Variants in FOXO1 observed in about 807,000 individuals in gnomAD.
FOXO1 encodes forkhead box protein O1.
FOXO1 carries 6 observed loss-of-function variants against 44.1 expected under a neutral mutation model. That is an observed-to-expected ratio of 0.14 (90% CI 0.07 to 0.27). FOXO1 has a LOEUF of 0.27. FOXO1 is among the 10% of genes least tolerant of loss of function. FOXO1 has a pLI of 1.00. For synonymous variants in FOXO1, 380 were observed against 362.7 expected, an observed-to-expected ratio of 1.05 and a Z score of -0.54; for missense variants, 737 against 888.8, an observed-to-expected ratio of 0.83 and a Z score of 2.17.
chr13:40,618,326 C>T (rs2137898838), intron 1 of FOXO1, among the ~76,000 whole-genome samples: 1 of 152,334 alleles, frequency 6.6e-6, no homozygotes, highest in Middle Eastern at 3.4e-3. Flanking sequence ...TCTCACCCTA[C>T]ACTCCCCTCC....
At chr13:40,631,699 G>C (rs1258899244) in intron 1 of FOXO1, among the ~76,000 whole-genome samples, 2 of 152,168 alleles carry the variant, frequency 1.3e-5, no homozygotes, top group Non-Finnish European at 2.9e-5. Context: ...TCCTATAAAG[G>C]ACCTAAAGTA....
chr13:40,590,624 C>T (rs901414117), intron 1 of FOXO1, among the ~76,000 whole-genome samples: 2 of 152,180 alleles, frequency 1.3e-5, no homozygotes, highest in African/African-American at 2.4e-5. Flanking sequence ...ATGGGTTATC[C>T]CAGCAGTCTC....
chr13:40,599,067 A>G (rs1875712079), intron 1 of FOXO1, among the ~76,000 whole-genome samples: 1 of 152,128 alleles, frequency 6.6e-6, no homozygotes, highest in Non-Finnish European at 1.5e-5. Flanking sequence ...TTCCATTAAG[A>G]GCTTTCTACA....
chr13:40,613,490 T>C (rs1466121270), intron 1 of FOXO1, among the ~76,000 whole-genome samples: 28 of 152,152 alleles, frequency 1.8e-4, no homozygotes, highest in Admixed American at 1.6e-3. Flanking sequence ...AGTCTGGAAC[T>C]TCAAAGTTGC....
At chr13:40,615,916 G>A (rs1310873536) in intron 1 of FOXO1, among the ~76,000 whole-genome samples, 1 of 152,194 alleles carries the variant, frequency 6.6e-6, no homozygotes, top group Non-Finnish European at 1.5e-5. Context: ...AGGCAGCCAG[G>A]GCAAGTTTGG....
At chr13:40,607,572 T>C (rs1007848758) in intron 1 of FOXO1, among the ~76,000 whole-genome samples, 1 of 152,178 alleles carries the variant, frequency 6.6e-6, no homozygotes, top group Non-Finnish European at 1.5e-5. Context: ...TTAAAGCCTA[T>C]AGGGGAGATT....
intron 1 of FOXO1, among the ~76,000 whole-genome samples, chr13:40,642,306 C>T (rs1335860669): frequency 6.6e-6 from 1 of 152,148 alleles, no homozygotes; most frequent in Admixed American, 6.5e-5. Context: ...AAACCCCAAT[C>T]TAGACATACA....
At position 40,558,928 on chromosome 13, in the gene FOXO1, T is replaced by TG; in HGVS notation, c.*120_*121insC. ...GAAAAAAGGAGGGTTTTTTTTTTTG[T>TG]TTTTTTTTTTAACCAAGAAAACTAA... On this transcript the variant is annotated 3_prime_UTR_variant, in exon 3 of 3. Transcript: ENST00000379561. 3.9e-6 allele frequency: 1 copy of TG among 257,166 alleles called. No homozygotes were observed. Among genetic ancestry groups the TG allele is most frequent in the East Asian group, 4.6e-5 (1 of 21,802 alleles). 15.9% of individuals were successfully genotyped at this position (257,166 alleles called of 1,614,324 possible).
chr13:40,584,824 A>T (rs1229284974), intron 1 of FOXO1, among the ~76,000 whole-genome samples: 1 of 152,196 alleles, frequency 6.6e-6, no homozygotes, highest in Non-Finnish European at 1.5e-5. Context: ...TCTTCTAGGA[A>T]GCTTCGGATG....
At chr13:40,579,611 GA>G (rs201176045) in intron 1 of FOXO1, among the ~76,000 whole-genome samples, 8 of 147,156 alleles carry the variant, frequency 5.4e-5, no homozygotes, top group East Asian at 2.0e-4. Context: ...GCAGCAGAAT[GA>G]AAAAAAAAGG....
At chr13:40,622,848 T>C (rs73467035) in intron 1 of FOXO1, among the ~76,000 whole-genome samples, 106 of 152,304 alleles carry the variant, frequency 7.0e-4, no homozygotes, top group African/African-American at 2.5e-3. Context: ...AGGATCACTA[T>C]AAGTAAGCGT....
At chr13:40,619,034 C>A in intron 1 of FOXO1, 1 of 487,620 alleles carries the variant, frequency 2.1e-6, no homozygotes, top group South Asian at 1.5e-5. Context: ...TGCCTGTAAT[C>A]CCAGCACTTT....
intron 1 of FOXO1, among the ~76,000 whole-genome samples, chr13:40,652,205 G>A (rs1303091464): frequency 6.6e-6 from 1 of 152,024 alleles, no homozygotes; most frequent in Non-Finnish European, 1.5e-5. Context: ...TAATTCAAGA[G>A]AGCCCACTTT....
intron 1 of FOXO1, among the ~76,000 whole-genome samples, chr13:40,601,394 TTAACCAGTG>T (rs1875809866): frequency 1.3e-5 from 2 of 152,212 alleles, no homozygotes; most frequent in Non-Finnish European, 2.9e-5. Context: ...TATACATACA[TTAACCAGTG>T]GCTTCAAAAA....
At chr13:40,636,755 A>G (rs1566081647) in intron 1 of FOXO1, among the ~76,000 whole-genome samples, 1 of 152,090 alleles carries the variant, frequency 6.6e-6, no homozygotes, top group African/African-American at 2.4e-5. Flanking sequence ...TTGGACTCCC[A>G]AAGTGCTGGG....
intron 1 of FOXO1, among the ~76,000 whole-genome samples, chr13:40,632,885 C>T (rs1383235259): frequency 7.4e-6 from 1 of 135,872 alleles, no homozygotes; most frequent in Non-Finnish European, 1.5e-5. Context: ...GAAGTTGTGC[C>T]ATTGCAAAAG....
At chr13:40,570,542 A>G (rs559249416) in intron 1 of FOXO1, among the ~76,000 whole-genome samples, 1 of 152,338 alleles carries the variant, frequency 6.6e-6, no homozygotes, top group Non-Finnish European at 1.5e-5. Context: ...AAAGGTCTAA[A>G]TATTTCAGAG....
At chr13:40,650,025 A>G (rs1877626294) in intron 1 of FOXO1, among the ~76,000 whole-genome samples, 1 of 152,206 alleles carries the variant, frequency 6.6e-6, no homozygotes, top group African/African-American at 2.4e-5. Context: ...AGGAAAGTAA[A>G]GTAATAAAAG....
At position 40,596,973 on chromosome 13, in the gene FOXO1, C is replaced by T. The variant is rs559642990; in HGVS notation, c.631-36113G>A. ...TACCCTACCCCAAAGGGGAGGAAGA[C>T]AGCGCCTAAATCCTCATTCCACCTC... is the stretch of plus-strand genomic sequence containing the variant. On this transcript the variant is annotated intron_variant, in intron 1 of 2. Transcript: ENST00000379561. Among the ~76,000 whole-genome samples the T allele has an allele frequency of 2.2e-4, 34 of 152,302 alleles. No individual in the cohort carries two copies. The Middle Eastern group carries it at 0.01, about 46-fold the overall frequency.
Sources: gnomAD v4.1 joint callset for allele counts (sites outside exome capture counted in the v4.1 genomes callset) on GRCh38, gnomAD v4.1.1 for gene constraint, MANE v1.5 for transcripts, NCBI Gene and HGNC (gene_info 2026-07-23, HGNC 2026-07-21) for gene names.